CDH4: variants seen among roughly 807,000 people sequenced by gnomAD.
CDH4 encodes the protein cadherin-4.
Under a neutral mutation model 86.0 loss-of-function variants are expected in CDH4, and 33 were observed. That is an observed-to-expected ratio of 0.38 (90% CI 0.29 to 0.51). The LOEUF (loss-of-function observed/expected upper bound fraction) is 0.51. Ranked by LOEUF, CDH4 falls within the 20% of genes least tolerant of loss-of-function variation. CDH4 has a pLI of 0.86. For missense variants in CDH4, 1,114 were observed against 1,307.4 expected (o/e 0.85, Z 2.28); for synonymous variants, 555 against 549.4 (o/e 1.01, Z -0.14).
chr20:61,820,486 C>T (rs1374978929), intron 4 of CDH4, among the ~76,000 whole-genome samples: 3 of 152,224 alleles, frequency 2.0e-5, no homozygotes, highest in East Asian at 3.8e-4. Context: ...CAAGGAGGCT[C>T]CTCAGCAGCC....
intron 2 of CDH4, among the ~76,000 whole-genome samples, chr20:61,506,100 C>G (rs1409613876): frequency 1.3e-5 from 2 of 152,126 alleles, no homozygotes; most frequent in Non-Finnish European, 2.9e-5. Flanking sequence ...TTATTATTTG[C>G]GTTAAATATT....
At chr20:61,334,039 C>T (rs1000865063) in intron 2 of CDH4, among the ~76,000 whole-genome samples, 7 of 152,228 alleles carry the variant, frequency 4.6e-5, no homozygotes. Context: ...GGTGTCCCCT[C>T]TTCTCCAGCT....
chr20:61,406,442 CCCTGGACCACCATCTGCCATCTGCTCTG>C lies in CDH4; in HGVS notation c.169+151551_169+151578del, dbSNP rs1568832758. 1.6e-4 allele frequency among the ~76,000 whole-genome samples: 23 copies of C among 140,030 alleles called. No individual in the cohort carries two copies. The East Asian group carries it at 2.5e-3, about 15-fold the overall frequency. The allele number at this position is 140,030 out of a possible 152,430, so 91.9% of individuals were successfully genotyped here. On this transcript the variant is annotated intron_variant, in intron 2 of 15. Transcript: ENST00000614565. ...CTCTGCCCGGACCACCATCTGCTCT[CCCTGGACCACCATCTGCCATCTGCTCTG>C]CCTGGACCACCATCTGCCATCTGCT...
At chr20:61,347,906 TAGTC>T (rs11469929) in intron 2 of CDH4, among the ~76,000 whole-genome samples, 38,941 of 151,908 alleles carry the variant, frequency 0.26, 5,054 homozygotes, top group South Asian at 0.35. Flanking sequence ...CAAAGTCTGA[TAGTC>T]AGAGGGAATA....
At chr20:61,889,377 G>A (rs971211770) in intron 7 of CDH4, among the ~76,000 whole-genome samples, 13 of 151,000 alleles carry the variant, frequency 8.6e-5, no homozygotes, top group Non-Finnish European at 1.6e-4. Flanking sequence ...ATGGATGGGT[G>A]GGTGGATGGT....
At chr20:61,547,252 T>A (rs1019450301) in intron 2 of CDH4, among the ~76,000 whole-genome samples, 6 of 126,676 alleles carry the variant, frequency 4.7e-5, no homozygotes, top group Non-Finnish European at 6.4e-5. Context: ...TCACTCTGTC[T>A]CCCAGGCTGG....
chr20:61,753,442 A>G (rs1028078709), intron 3 of CDH4, among the ~76,000 whole-genome samples: 4 of 152,202 alleles, frequency 2.6e-5, no homozygotes, highest in Non-Finnish European at 5.9e-5. Context: ...TTCTGTGGGC[A>G]ATGCAGGCAG....
At chr20:61,745,993 C>T (rs1265110260) in intron 3 of CDH4, among the ~76,000 whole-genome samples, 1 of 152,236 alleles carries the variant, frequency 6.6e-6, no homozygotes, top group Admixed American at 6.5e-5. Flanking sequence ...CCTCGACCCA[C>T]ACCAGGCTGG....
intron 9 of CDH4, among the ~76,000 whole-genome samples, chr20:61,918,004 C>T (rs1193488901): frequency 6.6e-6 from 1 of 152,240 alleles, no homozygotes; most frequent in Non-Finnish European, 1.5e-5. Flanking sequence ...GGGGCTTGTT[C>T]ATAGCGCTAC....
At chr20:61,636,685 C>A (rs1481619051) in intron 2 of CDH4, among the ~76,000 whole-genome samples, 1 of 152,238 alleles carries the variant, frequency 6.6e-6, no homozygotes, top group Admixed American at 6.5e-5. Flanking sequence ...CCCACCTGCT[C>A]TTCTCCCAGC....
intron 2 of CDH4, among the ~76,000 whole-genome samples, chr20:61,507,418 G>A (rs1157991382): frequency 6.6e-6 from 1 of 152,130 alleles, no homozygotes; most frequent in Non-Finnish European, 1.5e-5. Flanking sequence ...AGGGTTTTCC[G>A]GGAGCACGGG....
chr20:61,662,255 G>A (rs987011347), intron 2 of CDH4, among the ~76,000 whole-genome samples: 2 of 152,232 alleles, frequency 1.3e-5, no homozygotes, highest in Non-Finnish European at 2.9e-5. Flanking sequence ...TGGACTGCTT[G>A]GTGAGAGCGC....
Position 61,873,820 on chromosome 20 carries a change from C to T in CDH4, c.970C>T (p.Gln324Ter). The change falls in exon 7 of 16, where the codon CAG (glutamine) becomes TAG (stop). Residue 324 changes from glutamine to a stop codon, truncating the protein, a stop_gained. Transcript: ENST00000614565. LOFTEE classifies it high-confidence loss of function. ...GTACCGGATCGTGACCCAGACCCCACAGAGCCCGTCCCAGAATATGTTCAC... is the reference window on the plus strand; with the variant it reads ...GTACCGGATCGTGACCCAGACCCCATAGAGCCCGTCCCAGAATATGTTCAC... ...VRYRIVTQTP[Q>*]SPSQNMFTIN... The T allele has an allele frequency of 6.2e-7, 1 of 1,614,118 alleles. No homozygotes were observed. Among genetic ancestry groups the T allele is most frequent in the Non-Finnish European group, 8.5e-7 (1 of 1,180,030 alleles).
intron 2 of CDH4, among the ~76,000 whole-genome samples, chr20:61,660,678 CCTCA>C (rs2145831238): frequency 6.6e-6 from 1 of 152,266 alleles, no homozygotes; most frequent in Non-Finnish European, 1.5e-5. Context: ...TGGGATGCGA[CCTCA>C]CTCTTGGCTT....
intron 2 of CDH4, chr20:61,719,002 C>G (rs1308772405): frequency 4.2e-6 from 2 of 471,146 alleles, no homozygotes; most frequent in Non-Finnish European, 8.8e-6. Flanking sequence ...AGAGCACACT[C>G]AGCATCACGA....
intron 2 of CDH4, among the ~76,000 whole-genome samples, chr20:61,535,152 T>G (rs1335219842): frequency 1.3e-5 from 2 of 152,246 alleles, no homozygotes; most frequent in African/African-American, 4.8e-5. Context: ...CTGAAACCTG[T>G]GACTGGGCTG....
intron 2 of CDH4, chr20:61,738,182 G>A (rs1363890025): frequency 6.6e-6 from 1 of 152,310 alleles, no homozygotes; most frequent in Non-Finnish European, 1.5e-5. Context: ...GGGGGACAGA[G>A]GCAAGGGAGG....
chr20:61,855,638 A>G (rs555192498), intron 6 of CDH4, among the ~76,000 whole-genome samples: 1 of 152,364 alleles, frequency 6.6e-6, no homozygotes, highest in South Asian at 2.1e-4. Context: ...AAAAATCAAT[A>G]GCAAAAGTCT....
chr20:61,805,143 C>T (rs756732160), intron 4 of CDH4, among the ~76,000 whole-genome samples: 10 of 152,290 alleles, frequency 6.6e-5, no homozygotes, highest in Non-Finnish European at 1.5e-4. Context: ...GCTCATATGC[C>T]CAGCCGGAAG....
Sources: gnomAD v4.1 joint callset for allele counts (sites outside exome capture counted in the v4.1 genomes callset) on GRCh38, gnomAD v4.1.1 for gene constraint, MANE v1.5 for transcripts, NCBI Gene and HGNC (gene_info 2026-07-23, HGNC 2026-07-21) for gene names.